PTPRD: variants seen among roughly 807,000 people sequenced by gnomAD.
PTPRD encodes protein tyrosine phosphatase receptor type D, also known as receptor-type tyrosine-protein phosphatase delta.
Under a neutral mutation model 214.5 loss-of-function variants are expected in PTPRD, and 34 were observed. The observed-to-expected ratio is 0.16, with a 90% CI of 0.12 to 0.21. PTPRD has a LOEUF of 0.21. Ranked by LOEUF, PTPRD falls within the 10% of genes least tolerant of loss-of-function variation. The pLI is 1.00. For missense variants in PTPRD, 2,545 were observed against 2,398.7 expected (o/e 1.06, Z -1.27); for synonymous variants, 1,128 against 845.7 (o/e 1.33, Z -5.79).
chr9:9,817,589 G>T (rs573360814), intron 5 of PTPRD, among the ~76,000 whole-genome samples: 1 of 152,196 alleles, frequency 6.6e-6, no homozygotes, highest in South Asian at 2.1e-4. Flanking sequence ...ATAAAAAACT[G>T]AATGTAAAAT....
intron 3 of PTPRD, among the ~76,000 whole-genome samples, chr9:10,099,090 A>T (rs954828336): frequency 6.6e-6 from 1 of 151,774 alleles, no homozygotes; most frequent in Non-Finnish European, 1.5e-5. Context: ...AATAAATGAC[A>T]TTGCTCTTGA....
intron 7 of PTPRD, among the ~76,000 whole-genome samples, chr9:9,648,141 T>G (rs947930484): frequency 1.3e-5 from 2 of 152,178 alleles, no homozygotes; most frequent in Admixed American, 6.5e-5. Flanking sequence ...TTTTAATGCA[T>G]ATTACAAATA....
chr9:9,177,623 G>T (rs748533342), intron 10 of PTPRD, among the ~76,000 whole-genome samples: 5 of 151,958 alleles, frequency 3.3e-5, no homozygotes, highest in Non-Finnish European at 7.4e-5. Context: ...AATCCAAACT[G>T]ATGATCTTTT....
intron 10 of PTPRD, among the ~76,000 whole-genome samples, chr9:9,146,558 T>C (rs891347292): frequency 6.6e-6 from 1 of 150,564 alleles, no homozygotes; most frequent in Non-Finnish European, 1.5e-5. Flanking sequence ...ATAGTCACCA[T>C]GAACAGAGCC....
chr9:10,457,171 G>A (rs1036632384), intron 2 of PTPRD, among the ~76,000 whole-genome samples: 12 of 151,834 alleles, frequency 7.9e-5, no homozygotes, highest in African/African-American at 2.7e-4. Context: ...TTCAGTAACA[G>A]TTTATTGAAG....
At chr9:8,881,534 G>A (rs10815982) in intron 11 of PTPRD, among the ~76,000 whole-genome samples, 24,309 of 152,112 alleles carry the variant, frequency 0.16, 2,277 homozygotes, top group East Asian at 0.26. Flanking sequence ...ACATCACAAT[G>A]TACTGATATA....
intron 2 of PTPRD, among the ~76,000 whole-genome samples, chr9:10,395,800 T>C (rs2098157494): frequency 6.6e-6 from 1 of 151,794 alleles, no homozygotes; most frequent in South Asian, 2.1e-4. Context: ...ATCACAAGTG[T>C]GGAAGGAAAA....
chr9:9,523,221 G>T (rs76823940), intron 8 of PTPRD, among the ~76,000 whole-genome samples: 1,874 of 152,044 alleles, frequency 0.012, 40 homozygotes, highest in African/African-American at 0.043. Flanking sequence ...TGGATAATTG[G>T]TACTTTAGGC....
chr9:9,024,352 GTT>G (rs397944358), intron 10 of PTPRD, among the ~76,000 whole-genome samples: 1 of 140,044 alleles, frequency 7.1e-6, no homozygotes, highest in Non-Finnish European at 1.5e-5. Context: ...TTTTTTGTTT[GTT>G]TTTTTTTTTT....
At chr9:9,761,018 AC>A (rs781045629) in intron 6 of PTPRD, among the ~76,000 whole-genome samples, 2 of 152,332 alleles carry the variant, frequency 1.3e-5, no homozygotes, top group African/African-American at 2.4e-5. Context: ...TAAACATGTA[AC>A]TGCCATACAA....
intron 10 of PTPRD, among the ~76,000 whole-genome samples, chr9:9,064,149 A>G (rs1044133288): frequency 7.2e-5 from 11 of 152,200 alleles, no homozygotes; most frequent in Non-Finnish European, 1.6e-4. Flanking sequence ...GAGCTTTACA[A>G]AACTTAAAGC....
At chr9:9,600,597 C>A (rs748722970) in intron 7 of PTPRD, among the ~76,000 whole-genome samples, 22 of 152,082 alleles carry the variant, frequency 1.4e-4, no homozygotes, top group Non-Finnish European at 2.1e-4. Flanking sequence ...GTCTGTCAGC[C>A]CTATCTGACA....
intron 2 of PTPRD, among the ~76,000 whole-genome samples, chr9:10,556,922 C>T (rs954662588): frequency 1.3e-5 from 2 of 151,930 alleles, no homozygotes; most frequent in African/African-American, 4.8e-5. Flanking sequence ...AAAAATAATA[C>T]AAAGAAAACG....
chr9:9,676,915 G>C (rs200473619), intron 7 of PTPRD, among the ~76,000 whole-genome samples: 24 of 152,038 alleles, frequency 1.6e-4, no homozygotes, highest in African/African-American at 5.8e-4. Context: ...TTGGCTGCAT[G>C]AATGTCTTCT....
intron 14 of PTPRD, among the ~76,000 whole-genome samples, chr9:8,576,028 T>C (rs1040978423): frequency 6.6e-6 from 1 of 152,176 alleles, no homozygotes; most frequent in Non-Finnish European, 1.5e-5. Flanking sequence ...AATCCCCACA[T>C]GTTGTAATGG....
intron 39 of PTPRD, among the ~76,000 whole-genome samples, chr9:8,359,873 C>T (rs2078027210): frequency 6.6e-6 from 1 of 152,260 alleles, no homozygotes; most frequent in African/African-American, 2.4e-5. Flanking sequence ...AGGCATATGG[C>T]TATCAATATG....
intron 27 of PTPRD, 69 bp from the exon 28 acceptor site, chr9:8,486,418 G>A: frequency 7.5e-7 from 1 of 1,327,124 alleles, no homozygotes. Flanking sequence ...ATTGCCAAAT[G>A]AGGGAGTTCC....
chr9:8,972,278 C>T (rs979362182), intron 11 of PTPRD, among the ~76,000 whole-genome samples: 5 of 151,770 alleles, frequency 3.3e-5, no homozygotes, highest in Non-Finnish European at 5.9e-5. Context: ...ATAACATTTC[C>T]TAAAGAAACT....
At chr9:9,819,976 T>G (rs564447516) in intron 5 of PTPRD, among the ~76,000 whole-genome samples, 1 of 152,274 alleles carries the variant, frequency 6.6e-6, no homozygotes, top group African/African-American at 2.4e-5. Context: ...GTCTTTTTGG[T>G]AGAACAGTTT....
Sources: allele counts gnomAD v4.1 joint callset (sites outside exome capture counted in the v4.1 genomes callset), GRCh38; gene constraint gnomAD v4.1.1; transcripts MANE v1.5; gene names NCBI Gene and HGNC (gene_info 2026-07-23, HGNC 2026-07-21).